Variants in ERC2 observed in about 807,000 individuals in gnomAD.
The protein encoded by ERC2 is ERC protein 2.
ERC2 carries 42 observed loss-of-function variants against 114.8 expected under a neutral mutation model. The observed-to-expected ratio is 0.37, with a 90% CI of 0.29 to 0.47. The LOEUF is 0.47. Among genes scored for constraint, ERC2 ranks in the 20% least tolerant of loss-of-function variants. The probability of loss-of-function intolerance (pLI) is 0.99; values close to 1 mark genes in which losing one functional copy is unlikely to be tolerated. For missense variants in ERC2, 939 were observed against 1,150.7 expected (o/e 0.82, Z 2.66); for synonymous variants, 454 against 425.5 (o/e 1.07, Z -0.82).
Position 56,200,262 on chromosome 3 carries a change from A to C in ERC2, c.1075-26742T>G, listed in dbSNP as rs550450177. ...CAGGTTTAATGACTTCTCTGTCCTC[A>C]TTTTTCACTCACCTCCATCACACAG... On this transcript the variant is annotated intron_variant, in intron 3 of 17. Coordinates refer to ENST00000288221, the MANE Select transcript of ERC2 (RefSeq NM_015576.3). 1.1e-4 allele frequency among the ~76,000 whole-genome samples: 16 copies of C among 149,510 alleles called. No homozygotes were observed. The South Asian group carries it at 3.4e-3, about 32-fold the overall frequency.
At chr3:56,311,761 C>G (rs1399544760) in intron 2 of ERC2, among the ~76,000 whole-genome samples, 1 of 151,164 alleles carries the variant, frequency 6.6e-6, no homozygotes, top group African/African-American at 2.4e-5. Flanking sequence ...TCAACTCTAC[C>G]AAGATACCTT....
At chr3:56,467,358 G>A (rs1293939964) in intron 1 of ERC2, among the ~76,000 whole-genome samples, 1 of 152,178 alleles carries the variant, frequency 6.6e-6, no homozygotes, top group Non-Finnish European at 1.5e-5. Flanking sequence ...ATACAGCAAA[G>A]GCAGGTAGCC....
intron 3 of ERC2, among the ~76,000 whole-genome samples, chr3:56,245,662 G>A (rs2051641979): frequency 6.6e-6 from 1 of 151,910 alleles, no homozygotes; most frequent in African/African-American, 2.4e-5. Context: ...TCCTGCCTCA[G>A]CCTCCCCAGT....
intron 17 of ERC2, among the ~76,000 whole-genome samples, chr3:55,574,007 C>G (rs577961278): frequency 6.6e-6 from 1 of 152,170 alleles, no homozygotes; most frequent in Non-Finnish European, 1.5e-5. Flanking sequence ...TGCATTTGTA[C>G]AGAGATTAAA....
chr3:56,152,291 G>GA (rs758310275), intron 4 of ERC2, among the ~76,000 whole-genome samples: 4 of 151,706 alleles, frequency 2.6e-5, no homozygotes, highest in African/African-American at 7.3e-5. Context: ...GTCAATTCCT[G>GA]AAAAAAAATT....
chr3:56,010,312 G>C (rs2072817488), intron 9 of ERC2, 137 bp downstream of exon 9: 2 of 1,069,750 alleles, frequency 1.9e-6, no homozygotes, highest in Non-Finnish European at 2.6e-6. Context: ...AATTCAGGCA[G>C]CTTTACAAAA....
intron 14 of ERC2, among the ~76,000 whole-genome samples, chr3:55,834,544 G>C (rs2060781227): frequency 6.6e-6 from 1 of 151,842 alleles, no homozygotes; most frequent in Non-Finnish European, 1.5e-5. Context: ...CAGAAATAAA[G>C]ATGTTCTTTG....
At position 56,196,877 on chromosome 3, in the gene ERC2, C is replaced by T. The variant is rs530510380; in HGVS notation, c.1075-23357G>A. Among the ~76,000 whole-genome samples the T allele has an allele frequency of 3.5e-3, 534 of 152,200 alleles. 2 individuals carry two copies. Among genetic ancestry groups the T allele is most frequent in the Non-Finnish European group, 4.9e-3 (330 of 68,006 alleles). On this transcript the variant is annotated intron_variant, in intron 3 of 17. Transcript: ENST00000288221. ...CCAAAACAGTGGAGGGGATTTTTGG[C>T]AGCCAGACTCACATTAGAATCCCTG...
At chr3:56,283,816 C>T (rs1301406378) in intron 3 of ERC2, among the ~76,000 whole-genome samples, 3 of 152,134 alleles carry the variant, frequency 2.0e-5, no homozygotes, top group Non-Finnish European at 4.4e-5. Flanking sequence ...AAGAAAGCGG[C>T]ACAGATAAAC....
intron 2 of ERC2, among the ~76,000 whole-genome samples, chr3:56,421,073 T>C (rs1177737530): frequency 6.6e-6 from 1 of 152,074 alleles, no homozygotes; most frequent in Non-Finnish European, 1.5e-5. Context: ...CCAGAATTTC[T>C]CTAGGGGGCA....
chr3:55,852,706 T>C (rs2061627370), intron 14 of ERC2: 1 of 152,644 alleles, frequency 6.6e-6, no homozygotes, highest in Non-Finnish European at 1.5e-5. Flanking sequence ...GAACTCAGTC[T>C]GCATTTACTC....
At chr3:55,892,739 C>T (rs560703448) in intron 13 of ERC2, among the ~76,000 whole-genome samples, 1 of 151,890 alleles carries the variant, frequency 6.6e-6, no homozygotes, top group African/African-American at 2.4e-5. Context: ...TAAATATATA[C>T]ATAATTGTGT....
chr3:55,801,991 T>G (rs2071094419), intron 14 of ERC2, among the ~76,000 whole-genome samples: 1 of 152,230 alleles, frequency 6.6e-6, no homozygotes, highest in Admixed American at 6.5e-5. Flanking sequence ...CTGATGCTGC[T>G]GTTTCAGGGA....
At chr3:56,366,854 T>G (rs1237834806) in intron 2 of ERC2, among the ~76,000 whole-genome samples, 1 of 152,220 alleles carries the variant, frequency 6.6e-6, no homozygotes, top group Non-Finnish European at 1.5e-5. Context: ...CCAATAAAAC[T>G]GGATAGGATT....
intron 14 of ERC2, among the ~76,000 whole-genome samples, chr3:55,823,306 T>C (rs2060200172): frequency 6.6e-6 from 1 of 152,218 alleles, no homozygotes; most frequent in South Asian, 2.1e-4. Flanking sequence ...AATGTTCTTT[T>C]AAAATCCCAA....
At chr3:55,700,748 G>A (rs73071622) in intron 15 of ERC2, among the ~76,000 whole-genome samples, 7,486 of 152,104 alleles carry the variant, frequency 0.049, 270 homozygotes, top group Non-Finnish European at 0.075. Flanking sequence ...TGGGTGACAC[G>A]TGCCTCCTGC....
At chr3:55,569,506 T>G (rs576715594) in intron 17 of ERC2, among the ~76,000 whole-genome samples, 2 of 152,070 alleles carry the variant, frequency 1.3e-5, no homozygotes, top group Non-Finnish European at 2.9e-5. Context: ...ATATTTCTCT[T>G]TGAGGATATT....
chr3:56,309,024 A>G (rs1286240117), intron 2 of ERC2, among the ~76,000 whole-genome samples: 1 of 152,202 alleles, frequency 6.6e-6, no homozygotes, highest in Admixed American at 6.5e-5. Context: ...CATGACTTCA[A>G]ATCTTCCTTA....
At chr3:56,016,384 T>C (rs939178719) in intron 8 of ERC2, among the ~76,000 whole-genome samples, 11 of 151,882 alleles carry the variant, frequency 7.2e-5, no homozygotes, top group Non-Finnish European at 1.3e-4. Flanking sequence ...CCATGAAGAC[T>C]AGCCCTAGAG....
Sources: allele counts gnomAD v4.1 joint callset (sites outside exome capture counted in the v4.1 genomes callset), GRCh38; gene constraint gnomAD v4.1.1; transcripts MANE v1.5; gene names NCBI Gene and HGNC (gene_info 2026-07-23, HGNC 2026-07-21).